Variants in PNOC observed in about 807,000 individuals in gnomAD.
PNOC encodes prepronociceptin, also known as nociceptin.
In PNOC, 10 loss-of-function variants were observed where a neutral mutation model predicts 15.6. The ratio of observed to expected loss-of-function variants is 0.64; its 90% CI spans 0.40 to 1.09. The LOEUF (loss-of-function observed/expected upper bound fraction) is 1.09, where lower values mean the gene tolerates loss of function less well. Ranked by LOEUF, PNOC falls within the 50% of genes least tolerant of loss-of-function variation. The probability of loss-of-function intolerance (pLI) is 0.01; values close to 1 mark genes in which losing one functional copy is unlikely to be tolerated. For synonymous variants in PNOC, 98 were observed against 88.5 expected (o/e 1.11, Z -0.60); for missense variants, 220 against 223.9 (o/e 0.98, Z 0.11).
intron 2 of PNOC, chr8:28,338,559 G>A: frequency 1.0e-6 from 1 of 983,330 alleles, no homozygotes. Context: ...TCTTTACATG[G>A]TGACCTTAAA....
At chr8:28,332,086 T>A (rs1464069752) in intron 2 of PNOC, among the ~76,000 whole-genome samples, 1 of 152,228 alleles carries the variant, frequency 6.6e-6, no homozygotes, top group Non-Finnish European at 1.5e-5. Context: ...TCAGCTCTAC[T>A]TCTTTGAAAC....
chr8:28,329,382 C>T lies in PNOC; in HGVS notation c.126+99C>T, dbSNP rs1179368824. The T allele has an allele frequency of 1.1e-5, 15 of 1,385,372 alleles. No individual in the cohort carries two copies. In the East Asian group the frequency reaches 3.5e-4, roughly 32 times the overall value. 85.8% of individuals were successfully genotyped at this position (1,385,372 alleles called of 1,614,324 possible). On this transcript the variant is annotated intron_variant, in intron 2 of 3. Transcript: ENST00000301908. The stretch of plus-strand genomic sequence containing the variant: ...CTCTGAGTGAGAAGCCAAGGCCTCT[C>T]CCACAGCTCACAGGACTTGCTCAGC...
At chr8:28,340,356 T>C (rs554369996) in intron 3 of PNOC, 3 of 152,230 alleles carry the variant, frequency 2.0e-5, no homozygotes, top group Non-Finnish European at 4.4e-5. Context: ...CAAGTCCACA[T>C]GTCTCATAAT....
At chr8:28,340,283 CCT>C (rs146940605) in intron 3 of PNOC, 11,809 of 152,320 alleles carry the variant, frequency 0.078, 519 homozygotes, top group African/African-American at 0.098. Flanking sequence ...TGCTTTTATT[CCT>C]CTCTTTCTTC....
chr8:28,342,867 C>A (rs571396551), intron 3 of PNOC, 75 bp from the exon 4 acceptor site: 1 of 525,074 alleles, frequency 1.9e-6, no homozygotes, highest in Non-Finnish European at 2.4e-6. Context: ...TCACTGCTTC[C>A]GTCTCTAGGG....
In PNOC at chr8:28,328,329, T is replaced by C. The variant is rs1198276427; in HGVS notation, c.-23-806T>C. 5.3e-5 allele frequency among the ~76,000 whole-genome samples: 8 copies of C among 151,646 alleles called. No individual in the cohort carries two copies. The East Asian group carries it at 1.4e-3, about 26-fold the overall frequency. On this transcript the variant is annotated intron_variant, in intron 1 of 3. Transcript: ENST00000301908. Reference sequence around the variant, plus strand: ...CTGACCTCTAGTGATCCACCTGCCCTGGCCTCCCAAAGTTCTGGGATTACA... The same window carrying C: ...CTGACCTCTAGTGATCCACCTGCCCCGGCCTCCCAAAGTTCTGGGATTACA...
At chr8:28,328,876 G>A (rs1801271891) in intron 1 of PNOC, among the ~76,000 whole-genome samples, 1 of 152,094 alleles carries the variant, frequency 6.6e-6, no homozygotes, top group African/African-American at 2.4e-5. Flanking sequence ...AATCACAGGG[G>A]TGTCCTGCCA....
At chr8:28,341,628 T>A (rs924549437) in intron 3 of PNOC, among the ~76,000 whole-genome samples, 1 of 152,190 alleles carries the variant, frequency 6.6e-6, no homozygotes, top group African/African-American at 2.4e-5. Flanking sequence ...GGCAATTGGT[T>A]TTTCTAATCT....
intron 2 of PNOC, 131 bp downstream of exon 2, chr8:28,329,414 T>C: frequency 2.0e-6 from 2 of 1,004,844 alleles, no homozygotes; most frequent in Non-Finnish European, 2.9e-6. Flanking sequence ...CAGCATTACA[T>C]GGCCCATAGG....
chr8:28,331,807 ACT>A (rs1234362084), intron 2 of PNOC, among the ~76,000 whole-genome samples: 1 of 151,328 alleles, frequency 6.6e-6, no homozygotes, highest in Admixed American at 6.6e-5. Flanking sequence ...TATCTGCAGG[ACT>A]CTCTCTCCCC....
At chr8:28,342,571 G>A (rs1021246539) in intron 3 of PNOC, among the ~76,000 whole-genome samples, 1 of 152,084 alleles carries the variant, frequency 6.6e-6, no homozygotes, top group African/African-American at 2.4e-5. Flanking sequence ...ACATTCATTC[G>A]TGGTCAGGTT....
chr8:28,334,773 C>T (rs958380384), intron 2 of PNOC, among the ~76,000 whole-genome samples: 2 of 152,112 alleles, frequency 1.3e-5, no homozygotes, highest in African/African-American at 2.4e-5. Flanking sequence ...GGATTATAGG[C>T]GGGAGCCACC....
chr8:28,319,733 G>T (rs1801116724), intron 1 of PNOC, among the ~76,000 whole-genome samples: 2 of 152,102 alleles, frequency 1.3e-5, no homozygotes, highest in South Asian at 4.2e-4. Flanking sequence ...GCCCACGAAG[G>T]AAGCTTTGAA....
At chr8:28,338,993 C>G (rs1398899860) in intron 2 of PNOC, 47 bp from the exon 3 acceptor site, 1 of 1,490,736 alleles carries the variant, frequency 6.7e-7, no homozygotes. Flanking sequence ...CCTGGATTAA[C>G]AGAGGTCCTT....
intron 1 of PNOC, among the ~76,000 whole-genome samples, chr8:28,328,341 G>A (rs1353046499): frequency 6.6e-6 from 1 of 152,074 alleles, no homozygotes; most frequent in African/African-American, 2.4e-5. Flanking sequence ...GCCTCCCAAA[G>A]TTCTGGGATT....
chr8:28,341,906 A>G (rs530825020), intron 3 of PNOC, among the ~76,000 whole-genome samples: 2 of 151,752 alleles, frequency 1.3e-5, no homozygotes, highest in South Asian at 4.2e-4. Flanking sequence ...ACACACCCCA[A>G]CCTGCCCTAC....
In PNOC at chr8:28,328,137, G is replaced by A. The variant is rs977022100; in HGVS notation, c.-23-998G>A. ...GGCTGGTGTGCAATGGCACAATCTC[G>A]GCTCACTGCAACCTCCACCTCCCAG... On this transcript the variant is annotated intron_variant, in intron 1 of 3. Coordinates refer to ENST00000301908, the MANE Select transcript of PNOC (RefSeq NM_006228.5). 3.6e-4 allele frequency among the ~76,000 whole-genome samples: 49 copies of A among 136,010 alleles called. 1 individual carries two copies. Among genetic ancestry groups the A allele is most frequent in the Admixed American group, 3.2e-3 (39 of 12,064 alleles). The allele number at this position is 136,010 out of a possible 152,430, so 89.2% of individuals were successfully genotyped here. A position where few individuals can be genotyped will look rare whatever the true frequency, so the allele number is the denominator to read the frequency against.
At chr8:28,329,618 T>A (rs1483620898) in intron 2 of PNOC, among the ~76,000 whole-genome samples, 1 of 152,180 alleles carries the variant, frequency 6.6e-6, no homozygotes, top group Non-Finnish European at 1.5e-5. Context: ...ATTACACCAG[T>A]CAGAGAAAGA....
At chr8:28,337,911 G>A (rs1008840173) in intron 2 of PNOC, among the ~76,000 whole-genome samples, 4 of 152,086 alleles carry the variant, frequency 2.6e-5, no homozygotes, top group East Asian at 1.9e-4. Flanking sequence ...TTTTTATGTC[G>A]TCAGCTACTT....
Sources: allele counts gnomAD v4.1 joint callset (sites outside exome capture counted in the v4.1 genomes callset), GRCh38; gene constraint gnomAD v4.1.1; transcripts MANE v1.5; gene names NCBI Gene and HGNC (gene_info 2026-07-23, HGNC 2026-07-21).